DNAH2: variants seen among roughly 807,000 people sequenced by gnomAD.
DNAH2 encodes axonemal beta dynein heavy chain 2.
Under a neutral mutation model 523.5 loss-of-function variants are expected in DNAH2, and 323 were observed. The ratio of observed to expected loss-of-function variants is 0.62; its 90% confidence interval spans 0.56 to 0.68. DNAH2 has a LOEUF of 0.68. Ranked by LOEUF, DNAH2 falls within the 30% of genes least tolerant of loss-of-function variation. The pLI is 0.00. For synonymous variants in DNAH2, 2,093 were observed against 2,177.4 expected (o/e 0.96, Z 1.08); for missense variants, 4,907 against 5,701.5 (o/e 0.86, Z 4.49).
chr17:7,784,707 C>G (rs1370094285), intron 39 of DNAH2, among the ~76,000 whole-genome samples: 1 of 152,202 alleles, frequency 6.6e-6, no homozygotes, highest in Non-Finnish European at 1.5e-5. Context: ...TTTCTGATCA[C>G]AGTGATAACT....
chr17:7,743,540 C>A, intron 12 of DNAH2: 4 of 595,872 alleles, frequency 6.7e-6, no homozygotes, highest in Non-Finnish European at 1.2e-5. Context: ...GTGGCACAAG[C>A]CTGTAGTCTC....
At chr17:7,739,579 C>T (rs1597489338) in intron 8 of DNAH2, among the ~76,000 whole-genome samples, 154 bp from the exon 9 acceptor site, 1 of 152,068 alleles carries the variant, frequency 6.6e-6, no homozygotes. Flanking sequence ...CTGGTTGGCC[C>T]TCCCTGGTTT....
chr17:7,753,453 C>T (rs963356520), intron 12 of DNAH2, among the ~76,000 whole-genome samples: 23 of 152,148 alleles, frequency 1.5e-4, no homozygotes, highest in East Asian at 3.9e-4. Flanking sequence ...TGAAGAACCT[C>T]GGGGAGTCCG....
rs1200633142 is a variant in DNAH2 at position 7,757,157 on chromosome 17, C to T, written c.1971C>T (p.Tyr657=). The T allele has an allele frequency of 1.9e-6, 3 of 1,614,192 alleles. No homozygotes were observed. The highest frequency in any genetic ancestry group is 1.1e-5 in the South Asian group (1 of 91,092). ...GGCTGCTGTTTGAGACGCCCCATTA[C>T]GTGGTGAACGTAGCTGAGCGAGCCG... ...WERLLFETPH[Y]VVNVAERAED... The change falls in exon 13 of 86, where the codon TAC becomes TAT. Residue 657 remains tyrosine, a synonymous_variant. Transcript: ENST00000572933.
chr17:7,774,431 C>T (rs1364899922), intron 28 of DNAH2, among the ~76,000 whole-genome samples: 3 of 152,266 alleles, frequency 2.0e-5, no homozygotes, highest in East Asian at 1.9e-4. Flanking sequence ...TCAGTATTTT[C>T]GGACCACAGT....
intron 12 of DNAH2, among the ~76,000 whole-genome samples, chr17:7,756,380 A>G (rs912228702): frequency 1.3e-5 from 2 of 151,724 alleles, no homozygotes; most frequent in African/African-American, 4.8e-5. Context: ...GGCTCAAGCA[A>G]TCCTCCCAGC....
chr17:7,766,424 C>T lies in DNAH2; in HGVS notation c.3618C>T (p.Asn1206=). 2 of 1,613,998 alleles carry T rather than the reference C, an allele frequency of 1.2e-6. No individual in the cohort carries two copies. Among genetic ancestry groups the T allele is most frequent in the Non-Finnish European group, 1.7e-6 (2 of 1,179,976 alleles). ...AAGAGGAAAATAGTCTCCGAGCCAA[C>T]CTGGGCATCTTCAAGATCGAGCAGC... ...MREEENSLRA[N]LGIFKIEQPP... The change falls in exon 22 of 86, where the codon AAC becomes AAT. Residue 1206 remains asparagine (N), a synonymous_variant. Transcript: ENST00000572933.
In DNAH2 at chr17:7,794,312, C is replaced by T; in HGVS notation, c.7628C>T (p.Pro2543Leu). The T allele has an allele frequency of 6.2e-7, 1 of 1,610,478 alleles. No homozygotes were observed. ...PPGGGRTVIS[P>L]RLRSRFNIIN... ...GGGGGTGGACGGACTGTCATCTCCC[C>T]AAGGCTACGGAGTCGCTTCAACATT... Residue 2543 changes from proline to leucine, a missense_variant, in exon 49 of 86, where the codon CCA becomes CTA. Physicochemically the swap from Pro to Leu is moderately conservative, Grantham distance 98. Transcript: ENST00000572933.
intron 15 of DNAH2, 131 bp downstream of exon 15, chr17:7,759,255 T>A: frequency 6.9e-7 from 1 of 1,459,370 alleles, no homozygotes; most frequent in Non-Finnish European, 9.2e-7. Flanking sequence ...CGTGCTCTAG[T>A]CTTGGACTCA....
intron 24 of DNAH2, 98 bp downstream of exon 24, chr17:7,768,365 C>T: frequency 9.0e-7 from 1 of 1,108,436 alleles, no homozygotes. Flanking sequence ...GTTCACAGCC[C>T]TCTCTTCCCC....
chr17:7,796,354 A>AT (rs1245972343), intron 49 of DNAH2, 110 bp from the exon 50 acceptor site: 69 of 1,289,120 alleles, frequency 5.4e-5, no homozygotes, highest in Middle Eastern at 2.3e-4. Flanking sequence ...CGGCCCTAGG[A>AT]TTTTTTTTGA....
rs141014293 is a variant in DNAH2 at position 7,751,116 on chromosome 17, G to GTTAT, written c.1905-5945_1905-5942dup. Among the ~76,000 whole-genome samples the GTTAT allele has an allele frequency of 7.6e-3, 1,150 of 150,446 alleles. 5 individuals are homozygous for GTTAT. The highest frequency in any genetic ancestry group is 0.01 in the Non-Finnish European group (695 of 67,662). ...AGCCCTGCAGATTAAAAAAAATCAA[G>GTTAT]TTATTTATTTATTTATTTATTTATT... On this transcript the variant is annotated intron_variant, in intron 12 of 85. Coordinates refer to ENST00000572933, the MANE Select transcript of DNAH2 (RefSeq NM_020877.5).
intron 50 of DNAH2, 92 bp from the exon 51 acceptor site, chr17:7,797,084 A>G: frequency 1.7e-6 from 2 of 1,170,264 alleles, no homozygotes; most frequent in South Asian, 1.4e-5. Flanking sequence ...CCTTGGAGAC[A>G]GAGTGAGACT....
At position 7,719,857 on chromosome 17, in the gene DNAH2, C is replaced by G; in HGVS notation, c.123C>G (p.Val41=). 1 of 1,595,588 alleles carries G rather than the reference C, an allele frequency of 6.3e-7. No homozygotes were observed. The highest frequency in any genetic ancestry group is 8.5e-7 in the Non-Finnish European group (1 of 1,170,788). The change falls in exon 2 of 86, where the codon GTC becomes GTG. Residue 41 remains valine, a synonymous_variant. Coordinates refer to ENST00000572933, the MANE Select transcript of DNAH2 (RefSeq NM_020877.5). ...AGGAGCAGGGGAATGCCCCGGCTGT[C>G]AGTGAGCCAGAGCTGCAGGCTGAGC... ...ATQEQGNAPA[V]SEPELQAELP...
In DNAH2 at chr17:7,804,463, G is replaced by C. The variant is rs750211560; in HGVS notation, c.9180G>C (p.Gln3060His). 5 of 1,613,010 alleles carry C rather than the reference G, an allele frequency of 3.1e-6. No individual in the cohort carries two copies. ...VQQKREADEQQKAVTANSEKI... is the reference protein window; with the variant it reads ...VQQKREADEQHKAVTANSEKI... ...AGAAGCGGGAGGCAGATGAGCAGCA[G>C]AAGGTCCAGGGCCCACGCCCACCCC... Residue 3060 changes from glutamine to histidine, a missense_variant, in exon 59 of 86, where the codon CAG becomes CAC. This residue lies in a region of DNAH2 where 1,851 missense variants were observed against 2,139.4 expected (regional missense o/e 0.87). Coordinates refer to ENST00000572933, the MANE Select transcript of DNAH2 (RefSeq NM_020877.5).
At chr17:7,814,406 T>C (rs1424598147) in intron 63 of DNAH2, among the ~76,000 whole-genome samples, 1 of 152,104 alleles carries the variant, frequency 6.6e-6, no homozygotes, top group African/African-American at 2.4e-5. Context: ...TATAGCAAAA[T>C]GTTAACTGTG....
At chr17:7,824,024 T>C in intron 75 of DNAH2, 42 bp downstream of exon 75, 1 of 1,599,188 alleles carries the variant, frequency 6.3e-7, no homozygotes, top group Non-Finnish European at 8.5e-7. Context: ...CCATGGGTCT[T>C]TCCTGCCTCC....
rs1056595742 is a variant in DNAH2 at position 7,767,942 on chromosome 17, T to A, written c.3718T>A (p.Trp1240Arg). 6.2e-7 allele frequency: 1 copy of A among 1,614,002 alleles called. No individual in the cohort carries two copies. The highest frequency in any genetic ancestry group is 1.7e-5 in the Admixed American group (1 of 60,010). ...GCAAATCTGGGAGATCGCACGAGACTGGGAGGAGAACTGGAATGAGTGGAA... is the reference window on the plus strand; with the variant it reads ...GCAAATCTGGGAGATCGCACGAGACAGGGAGGAGAACTGGAATGAGTGGAA... Reference protein sequence around the residue: ...LQQIWEIARDWEENWNEWKTG... With the variant: ...LQQIWEIARDREENWNEWKTG... The change falls in exon 23 of 86, where the codon TGG becomes AGG. Residue 1240 changes from tryptophan (W) to arginine (R), a missense_variant. Trp to Arg is a moderately radical substitution (Grantham distance 101). This residue lies in a region of DNAH2 where 2,806 missense variants were observed against 3,190.8 expected (regional missense o/e 0.88). Coordinates refer to ENST00000572933, the MANE Select transcript of DNAH2 (RefSeq NM_020877.5).
intron 39 of DNAH2, among the ~76,000 whole-genome samples, chr17:7,785,311 C>T (rs2076706265): frequency 6.6e-6 from 1 of 152,148 alleles, no homozygotes; most frequent in Admixed American, 6.6e-5. Flanking sequence ...CCATGTTGGC[C>T]AGGCTGGTCT....
Sources: gnomAD v4.1 joint callset for allele counts (sites outside exome capture counted in the v4.1 genomes callset) on GRCh38, gnomAD v4.1.1 for gene constraint, gnomAD v4.1.1 regional missense constraint, MANE v1.5 for transcripts, NCBI Gene and HGNC (gene_info 2026-07-23, HGNC 2026-07-21) for gene names.